Variants in ZNF90 observed in about 807,000 individuals in gnomAD.
The protein encoded by ZNF90 is zinc finger protein 90, also known as zinc finger protein HTF9.
ZNF90 carries 11 observed loss-of-function variants against 12.0 expected under a neutral mutation model. That is an observed-to-expected ratio of 0.92 (90% CI 0.58 to 1.52). The LOEUF is 1.52. ZNF90 is among the 40% of genes most tolerant of loss of function. The pLI is 0.00. For synonymous variants in ZNF90, 232 were observed against 240.1 expected (o/e 0.97, Z 0.31); for missense variants, 765 against 711.5 (o/e 1.08, Z -0.86).
Position 20,084,213 on chromosome 19 carries a change from A to G in ZNF90, c.3+6078A>G, listed in dbSNP as rs1375332180. On this transcript the variant is annotated intron_variant, in intron 1 of 3. Coordinates refer to ENST00000418063, the MANE Select transcript of ZNF90 (RefSeq NM_007138.2). ...GGACTACAGGTGCTGGCCACCACGCATGGCAAATTTTTTTTGTATTTTTAG... is the reference window on the plus strand; with the variant it reads ...GGACTACAGGTGCTGGCCACCACGCGTGGCAAATTTTTTTTGTATTTTTAG... Among the ~76,000 whole-genome samples, 5 of 151,880 alleles carry G rather than the reference A, an allele frequency of 3.3e-5. No individual in the cohort carries two copies. In the East Asian group the frequency reaches 7.8e-4, roughly 24 times the overall value.
At chr19:20,117,652 T>C in intron 3 of ZNF90, 129 bp from the exon 4 acceptor site, 1 of 1,391,276 alleles carries the variant, frequency 7.2e-7, no homozygotes, top group South Asian at 1.9e-5. Flanking sequence ...TGAAGTAATG[T>C]GTTCTTATTG....
chr19:20,093,201 TGATAA>T (rs1215588325), intron 1 of ZNF90, among the ~76,000 whole-genome samples: 2 of 152,246 alleles, frequency 1.3e-5, no homozygotes, highest in Non-Finnish European at 2.9e-5. Flanking sequence ...ACAATTTGGT[TGATAA>T]GACGCAGATC....
chr19:20,080,241 G>T, intron 1 of ZNF90: 1 of 583,080 alleles, frequency 1.7e-6, no homozygotes, highest in Non-Finnish European at 3.4e-6. Flanking sequence ...TGAGCACGAT[G>T]CAATTCTTCA....
rs147383967 is a variant in ZNF90 at position 20,107,693 on chromosome 19, CCTT to C, written c.226+2381_226+2383del. ...TGAAAATAGGACAATTTAACTCTTT[CCTT>C]CTTACTGATGTCACTCTCCATATAC... On this transcript the variant is annotated intron_variant, in intron 3 of 3. Transcript: ENST00000418063. Among the ~76,000 whole-genome samples, 10 of 152,214 alleles carry C rather than the reference CCTT, an allele frequency of 6.6e-5. No individual in the cohort carries two copies. In the East Asian group the frequency reaches 1.5e-3, roughly 24 times the overall value.
chr19:20,113,567 C>T (rs1200471558), intron 3 of ZNF90, among the ~76,000 whole-genome samples: 6 of 151,874 alleles, frequency 4.0e-5, no homozygotes, highest in Non-Finnish European at 8.8e-5. Context: ...CGGTGGCTCA[C>T]GATTGTAATC....
intron 3 of ZNF90, among the ~76,000 whole-genome samples, chr19:20,110,518 G>A (rs2089079502): frequency 6.6e-6 from 1 of 152,076 alleles, no homozygotes; most frequent in Non-Finnish European, 1.5e-5. Context: ...TGCCCCCTCA[G>A]CCTCCCAAGT....
At chr19:20,085,263 T>C (rs2088849395) in intron 1 of ZNF90, among the ~76,000 whole-genome samples, 1 of 145,924 alleles carries the variant, frequency 6.9e-6, no homozygotes, top group East Asian at 2.1e-4. Flanking sequence ...TTCTGTTGCA[T>C]TGGTCTTTTT....
At position 20,118,089 on chromosome 19, in the gene ZNF90, G is replaced by A. The variant is rs781797183; in HGVS notation, c.535G>A (p.Gly179Ser). 63 of 1,613,544 alleles carry A rather than the reference G, an allele frequency of 3.9e-5. No individual in the cohort carries two copies. The highest frequency in any genetic ancestry group is 5.1e-5 in the Non-Finnish European group (60 of 1,179,778). ...AAAACCTTTCAAATGTATAGAATGT[G>A]GCAAAGCTTTCAACCAGTCCTCAAC... ...GKKPFKCIEC[G>S]KAFNQSSTLA... Residue 179 changes from glycine (G) to serine (S), a missense_variant, in exon 4 of 4, where the codon GGC becomes AGC. Gly to Ser is a moderately conservative substitution (Grantham distance 56). Transcript: ENST00000418063.
chr19:20,106,715 A>T (rs1268395373), intron 3 of ZNF90, among the ~76,000 whole-genome samples: 1 of 152,206 alleles, frequency 6.6e-6, no homozygotes, highest in Non-Finnish European at 1.5e-5. Context: ...GGCCTCCCAA[A>T]GTGCTAGGAT....
In ZNF90 at chr19:20,118,189, G is replaced by C. The variant is rs558323189; in HGVS notation, c.635G>C (p.Arg212Thr). 2.0e-5 allele frequency: 33 copies of C among 1,610,966 alleles called. No individual in the cohort carries two copies. The South Asian group carries it at 3.6e-4, about 18-fold the overall frequency. Reference sequence around the variant, plus strand: ...GAAGAATGTGGCAAAGCCTTCAACAGGTCCTCACACCTTACTTCACATAAG... The same window carrying C: ...GAAGAATGTGGCAAAGCCTTCAACACGTCCTCACACCTTACTTCACATAAG... ...KCEECGKAFNRSSHLTSHKRI... is the reference protein window; with the variant it reads ...KCEECGKAFNTSSHLTSHKRI... Residue 212 changes from arginine to threonine, a missense_variant, in exon 4 of 4, where the codon AGG becomes ACG. By Grantham distance (71) the Arg-to-Thr change is moderately conservative. Coordinates refer to ENST00000418063, the MANE Select transcript of ZNF90 (RefSeq NM_007138.2).
intron 3 of ZNF90, among the ~76,000 whole-genome samples, chr19:20,109,700 C>G (rs1346550299): frequency 7.4e-6 from 1 of 135,530 alleles, no homozygotes; most frequent in Non-Finnish European, 1.6e-5. Flanking sequence ...ATATGGAGAC[C>G]CATTTCTGTA....
At chr19:20,109,709 T>A (rs1305493695) in intron 3 of ZNF90, among the ~76,000 whole-genome samples, 6 of 146,162 alleles carry the variant, frequency 4.1e-5, no homozygotes, top group Middle Eastern at 3.6e-3. Flanking sequence ...CCCATTTCTG[T>A]AAAAAAAAAA....
chr19:20,083,020 C>A (rs112817887), intron 1 of ZNF90, among the ~76,000 whole-genome samples: 2,896 of 152,260 alleles, frequency 0.019, 92 homozygotes, highest in African/African-American at 0.066. Context: ...AACCTTGTTT[C>A]TGACACTGAG....
intron 1 of ZNF90, chr19:20,087,669 A>C (rs2088869705): frequency 6.6e-6 from 1 of 152,260 alleles, no homozygotes; most frequent in South Asian, 2.1e-4. Flanking sequence ...GGTAGAGGTA[A>C]ATAGAGGACA....
intron 1 of ZNF90, among the ~76,000 whole-genome samples, chr19:20,086,238 T>C (rs1039746974): frequency 2.6e-4 from 36 of 139,846 alleles, no homozygotes; most frequent in East Asian, 1.2e-3. Context: ...TTTTCTTTTT[T>C]TTTTTTTTTT....
rs1263602342 is a variant in ZNF90, at chr19:20,078,010, T to C, written c.-123T>C. ...CGGGTTTGGCGCGGCCATTTGTCTC[T>C]TGCTGCAGCTGGTGCTCCAAATCTG... On this transcript the variant is annotated 5_prime_UTR_variant, in exon 1 of 4. Transcript: ENST00000418063. 6.1e-6 allele frequency: 8 copies of C among 1,314,382 alleles called. No homozygotes were observed. Among genetic ancestry groups the C allele is most frequent in the Non-Finnish European group, 7.7e-6 (7 of 909,796 alleles). The allele number at this position is 1,314,382 out of a possible 1,614,324, so 81.4% of individuals were successfully genotyped here. A position where few individuals can be genotyped will look rare whatever the true frequency, so the allele number is the denominator to read the frequency against.
chr19:20,091,594 T>C (rs2088903340), intron 1 of ZNF90, among the ~76,000 whole-genome samples: 1 of 152,312 alleles, frequency 6.6e-6, no homozygotes, highest in Middle Eastern at 3.4e-3. Flanking sequence ...GTCTAGCCAC[T>C]TTATCAGCAT....
chr19:20,113,483 C>G (rs1025899135), intron 3 of ZNF90, among the ~76,000 whole-genome samples: 3 of 151,974 alleles, frequency 2.0e-5, no homozygotes, highest in African/African-American at 7.2e-5. Flanking sequence ...TAAGCCACCG[C>G]ACGCAGCTTG....
chr19:20,110,900 T>C (rs559872642), intron 3 of ZNF90, among the ~76,000 whole-genome samples: 4 of 152,306 alleles, frequency 2.6e-5, no homozygotes, highest in Admixed American at 1.3e-4. Context: ...TTTTAAGGGT[T>C]GTTTATATAT....
Sources: gnomAD v4.1 joint callset for allele counts (sites outside exome capture counted in the v4.1 genomes callset) on GRCh38, gnomAD v4.1.1 for gene constraint, MANE v1.5 for transcripts, NCBI Gene and HGNC (gene_info 2026-07-23, HGNC 2026-07-21) for gene names.